Variants in SBF2 observed in about 807,000 individuals in gnomAD.
The protein encoded by SBF2 is myotubularin-related protein 13.
SBF2 carries 112 observed loss-of-function variants against 225.2 expected under a neutral mutation model. The observed-to-expected ratio is 0.50, with a 90% CI of 0.43 to 0.58. The LOEUF (loss-of-function observed/expected upper bound fraction) is 0.58. Among genes scored for constraint, SBF2 ranks in the 20% least tolerant of loss-of-function variants. The pLI is 0.00. For synonymous variants in SBF2, 763 were observed against 773.3 expected, an observed-to-expected ratio of 0.99 and a Z score of 0.22; for missense variants, 1,996 against 2,206.2, an observed-to-expected ratio of 0.90 and a Z score of 1.91.
At chr11:9,924,270 TA>T (rs1159829611) in intron 16 of SBF2, among the ~76,000 whole-genome samples, 1 of 152,216 alleles carries the variant, frequency 6.6e-6, no homozygotes, top group Non-Finnish European at 1.5e-5. Flanking sequence ...TAGTATTCAA[TA>T]AATTACATGA....
chr11:10,082,735 C>T (rs1265238884), intron 2 of SBF2, among the ~76,000 whole-genome samples: 1 of 152,030 alleles, frequency 6.6e-6, no homozygotes. Flanking sequence ...GAACATATCT[C>T]AATGTAATAA....
At chr11:9,850,406 C>T (rs1011736522) in intron 21 of SBF2, among the ~76,000 whole-genome samples, 188 bp from the exon 22 acceptor site, 2 of 152,126 alleles carry the variant, frequency 1.3e-5, no homozygotes, top group Admixed American at 6.6e-5. Context: ...CAGGCATGCA[C>T]CACTATGCCT....
chr11:10,280,685 G>C (rs1963346228), intron 1 of SBF2, among the ~76,000 whole-genome samples: 1 of 152,116 alleles, frequency 6.6e-6, no homozygotes, highest in Admixed American at 6.5e-5. Flanking sequence ...TCTGCAATAT[G>C]GTTTACAATA....
At chr11:10,263,592 T>C (rs1961652007) in intron 1 of SBF2, among the ~76,000 whole-genome samples, 6 of 152,158 alleles carry the variant, frequency 3.9e-5, no homozygotes. Flanking sequence ...TACTAATAAG[T>C]ACCTAATTAA....
chr11:9,939,512 T>G (rs928076537), intron 16 of SBF2, among the ~76,000 whole-genome samples: 3 of 152,176 alleles, frequency 2.0e-5, no homozygotes, highest in Non-Finnish European at 4.4e-5. Context: ...CAACAAATAT[T>G]TACTGAAACT....
intron 1 of SBF2, among the ~76,000 whole-genome samples, chr11:10,244,186 C>T (rs534063807): frequency 4.7e-4 from 72 of 152,258 alleles, no homozygotes; most frequent in African/African-American, 1.6e-3. Flanking sequence ...AGTGTCATAT[C>T]CAAGAAATCA....
chr11:9,931,490 T>A (rs1340674643), intron 16 of SBF2, among the ~76,000 whole-genome samples: 2 of 152,186 alleles, frequency 1.3e-5, no homozygotes, highest in African/African-American at 4.8e-5. Context: ...GCAAACAGGG[T>A]CTGGAGTGGA....
chr11:10,098,008 T>C (rs1952103517), intron 2 of SBF2, among the ~76,000 whole-genome samples: 1 of 151,958 alleles, frequency 6.6e-6, no homozygotes, highest in Non-Finnish European at 1.5e-5. Context: ...CAAAGCACCA[T>C]GGTTTCTGCT....
intron 16 of SBF2, among the ~76,000 whole-genome samples, chr11:9,906,055 A>G (rs1175291155): frequency 1.3e-5 from 2 of 152,174 alleles, no homozygotes; most frequent in South Asian, 4.1e-4. Context: ...AATGCAGCAA[A>G]AAGTATGAAT....
chr11:10,246,954 G>C (rs1318768809), intron 1 of SBF2, among the ~76,000 whole-genome samples: 2 of 152,084 alleles, frequency 1.3e-5, no homozygotes, highest in East Asian at 3.9e-4. Flanking sequence ...TGGGCATGGG[G>C]CATACACCTA....
intron 1 of SBF2, among the ~76,000 whole-genome samples, chr11:10,267,978 G>A (rs1335766490): frequency 2.0e-5 from 3 of 152,128 alleles, no homozygotes; most frequent in Middle Eastern, 3.4e-3. Context: ...GTTTACTCAC[G>A]CTAAGATTTG....
intron 2 of SBF2, among the ~76,000 whole-genome samples, chr11:10,056,752 C>T (rs1291170838): frequency 6.6e-6 from 1 of 152,160 alleles, no homozygotes; most frequent in East Asian, 1.9e-4. Context: ...GGTTTCCAGC[C>T]AACAGAGAAC....
chr11:10,029,522 C>G (rs753749351), intron 5 of SBF2, among the ~76,000 whole-genome samples: 10 of 152,130 alleles, frequency 6.6e-5, no homozygotes, highest in Non-Finnish European at 1.0e-4. Flanking sequence ...CAAAATATGA[C>G]TTCTAATTAT....
intron 32 of SBF2, among the ~76,000 whole-genome samples, chr11:9,805,475 G>C (rs1377481731): frequency 6.6e-6 from 1 of 152,092 alleles, no homozygotes; most frequent in Non-Finnish European, 1.5e-5. Flanking sequence ...TATTCAAATC[G>C]GATATGTGGA....
chr11:10,232,614 A>G (rs2135438985), intron 1 of SBF2, among the ~76,000 whole-genome samples: 1 of 145,478 alleles, frequency 6.9e-6, no homozygotes, highest in East Asian at 2.0e-4. Flanking sequence ...CCGAGGCTGG[A>G]GTACATTGGT....
intron 1 of SBF2, among the ~76,000 whole-genome samples, chr11:10,300,762 T>G (rs1049721704): frequency 1.3e-5 from 2 of 152,012 alleles, no homozygotes; most frequent in Non-Finnish European, 2.9e-5. Flanking sequence ...GTTACAGGTA[T>G]TATTGTAACA....
intron 1 of SBF2, among the ~76,000 whole-genome samples, chr11:10,241,865 T>G (rs1959234998): frequency 6.6e-6 from 1 of 151,908 alleles, no homozygotes; most frequent in Non-Finnish European, 1.5e-5. Context: ...TTCAGCAGAT[T>G]CCCTTGGCCC....
At chr11:9,975,093 G>A (rs1027890174) in intron 13 of SBF2, among the ~76,000 whole-genome samples, 2 of 151,266 alleles carry the variant, frequency 1.3e-5, no homozygotes, top group South Asian at 2.1e-4. Context: ...AGACACTTGA[G>A]AAAACAGTTT....
intron 2 of SBF2, among the ~76,000 whole-genome samples, chr11:10,117,177 A>T (rs899020980): frequency 6.6e-6 from 1 of 152,154 alleles, no homozygotes; most frequent in Non-Finnish European, 1.5e-5. Flanking sequence ...GTGGTGGCTC[A>T]CGCCTGTAAT....
Sources: gnomAD v4.1 joint callset for allele counts (sites outside exome capture counted in the v4.1 genomes callset) on GRCh38, gnomAD v4.1.1 for gene constraint, MANE v1.5 for transcripts, NCBI Gene and HGNC (gene_info 2026-07-23, HGNC 2026-07-21) for gene names.